Variants in PHLDB3 observed in about 807,000 individuals in gnomAD.
PHLDB3 encodes pleckstrin homology like domain family B member 3, also known as pleckstrin homology-like domain family B member 3.
PHLDB3 carries 86 observed loss-of-function variants against 85.7 expected under a neutral mutation model. The ratio of observed to expected loss-of-function variants is 1.00; its 90% CI spans 0.84 to 1.20. The LOEUF is 1.20. Among genes scored for constraint, PHLDB3 ranks in the 50% most tolerant of loss-of-function variants. The probability of loss-of-function intolerance (pLI) is 0.00; values close to 1 mark genes in which losing one functional copy is unlikely to be tolerated. For synonymous variants in PHLDB3, 376 were observed against 349.8 expected (o/e 1.07, Z -0.83); for missense variants, 995 against 873.0 (o/e 1.14, Z -1.76).
chr19:43,504,004 C>T lies in PHLDB3; in HGVS notation c.115G>A (p.Glu39Lys), dbSNP rs766062849. The T allele has an allele frequency of 1.2e-6, 2 of 1,613,926 alleles. No homozygotes were observed. The highest frequency in any genetic ancestry group is 1.1e-5 in the South Asian group (1 of 91,082). ...PEESREQEASEVLAEPSSRGG... is the reference protein window; with the variant it reads ...PEESREQEASKVLAEPSSRGG... ...CGGCTCGAAGGTTCCGCCAGGACTT[C>T]GGATGCCTCCTGTTCCCGGGACTCC... The change falls in exon 2 of 16, where the codon GAA becomes AAA. Residue 39 changes from glutamate to lysine, a missense_variant. Transcript: ENST00000292140.
chr19:43,494,994 C>A (rs2145931809), intron 8 of PHLDB3, among the ~76,000 whole-genome samples, 179 bp from the exon 9 acceptor site: 2 of 122,514 alleles, frequency 1.6e-5, no homozygotes, highest in East Asian at 4.8e-4. Context: ...GGCAGAGACT[C>A]CTGGCTCCCT....
At chr19:43,478,487 C>A (rs1038137164) in intron 14 of PHLDB3, among the ~76,000 whole-genome samples, 1 of 152,154 alleles carries the variant, frequency 6.6e-6, no homozygotes, top group Non-Finnish European at 1.5e-5. Flanking sequence ...CTCCATCTGA[C>A]AGATGTGGAA....
At chr19:43,491,925 G>A (rs986080775) in intron 9 of PHLDB3, among the ~76,000 whole-genome samples, 64 of 142,706 alleles carry the variant, frequency 4.5e-4, no homozygotes, top group Non-Finnish European at 7.8e-4. Flanking sequence ...GATTACCAGC[G>A]TGAGCCACTG....
intron 4 of PHLDB3, among the ~76,000 whole-genome samples, chr19:43,499,738 G>T (rs958167300): frequency 1.3e-5 from 2 of 152,004 alleles, no homozygotes; most frequent in Non-Finnish European, 1.5e-5. Context: ...TCAGATAAAA[G>T]ATTCTTTTTT....
rs754374612 is a variant in PHLDB3, at chr19:43,504,132, C to T, written c.-14G>A. Reference sequence around the variant, plus strand: ...TCGCGTCCCCATGGCCGCTGGGACTCCTGCGGGGTGGGCGGGACCAGAAGC... The same window carrying T: ...TCGCGTCCCCATGGCCGCTGGGACTTCTGCGGGGTGGGCGGGACCAGAAGC... On this transcript the variant is annotated splice_region_variant and 5_prime_UTR_variant, in exon 2 of 16. Transcript: ENST00000292140. 1 of 1,578,046 alleles carries T rather than the reference C, an allele frequency of 6.3e-7. No individual in the cohort carries two copies. Among genetic ancestry groups the T allele is most frequent in the African/African-American group, 1.4e-5 (1 of 74,070 alleles).
chr19:43,491,945 G>GTGTT, intron 9 of PHLDB3, among the ~76,000 whole-genome samples: 3 of 129,578 alleles, frequency 2.3e-5, no homozygotes, highest in East Asian at 2.4e-4. Flanking sequence ...GCACCTGGCC[G>GTGTT]TTTTTTTTTT....
intron 1 of PHLDB3, 113 bp from the exon 2 acceptor site, chr19:43,504,245 G>A: frequency 3.1e-6 from 3 of 981,028 alleles, no homozygotes; most frequent in East Asian, 2.6e-5. Context: ...GGGCCTAAGA[G>A]TTCAAAGGAT....
chr19:43,497,755 A>AC lies in PHLDB3; in HGVS notation c.655dup (p.Val219GlyfsTer16), dbSNP rs760229242. ...AGAACCAGATGCCATTACCTCCTGC[A>AC]CACCCTGCAGAAGCCGCTCGCGTTG... On this transcript the variant is annotated frameshift_variant, in exon 5 of 16. Transcript: ENST00000292140. LOFTEE classifies it high-confidence loss of function. 1.9e-6 allele frequency: 3 copies of AC among 1,551,822 alleles called. No individual in the cohort carries two copies. In the African/African-American group the frequency reaches 4.1e-5, roughly 21 times the overall value.
At chr19:43,488,984 G>C (rs373435785) in intron 9 of PHLDB3, among the ~76,000 whole-genome samples, 34 of 152,190 alleles carry the variant, frequency 2.2e-4, no homozygotes, top group African/African-American at 7.7e-4. Context: ...ATTTTTAGTA[G>C]AGATGGGGTT....
At chr19:43,490,446 G>A (rs1453444986) in intron 9 of PHLDB3, among the ~76,000 whole-genome samples, 2 of 151,986 alleles carry the variant, frequency 1.3e-5, no homozygotes, top group Admixed American at 1.3e-4. Flanking sequence ...CCAGCTACTT[G>A]GGGGGCTGAG....
At chr19:43,493,556 T>A (rs1292034125) in intron 9 of PHLDB3, among the ~76,000 whole-genome samples, 1 of 150,952 alleles carries the variant, frequency 6.6e-6, no homozygotes, top group Non-Finnish European at 1.5e-5. Context: ...CACCTGAGCC[T>A]GGGAGGTTGA....
At chr19:43,489,158 A>G (rs1971253883) in intron 9 of PHLDB3, among the ~76,000 whole-genome samples, 1 of 152,146 alleles carries the variant, frequency 6.6e-6, no homozygotes, top group African/African-American at 2.4e-5. Context: ...ACATCCAGGT[A>G]GAACATAATA....
chr19:43,502,454 TA>T (rs1971633049), intron 2 of PHLDB3, among the ~76,000 whole-genome samples, 171 bp from the exon 3 acceptor site: 1 of 116,936 alleles, frequency 8.6e-6, no homozygotes, highest in South Asian at 2.9e-4. Context: ...TTTTCTTTCT[TA>T]TCTTTTTTTT....
intron 5 of PHLDB3, 82 bp downstream of exon 5, chr19:43,497,666 C>T (rs955231100): frequency 9.0e-5 from 128 of 1,426,524 alleles, no homozygotes; most frequent in Non-Finnish European, 1.1e-4. Context: ...GAGCCGAGAT[C>T]GCACCACTGC....
Position 43,477,640 on chromosome 19 carries a change from C to T in PHLDB3, c.1788+407G>A, listed in dbSNP as rs1398883380. Among the ~76,000 whole-genome samples the T allele has an allele frequency of 2.6e-5, 4 of 151,080 alleles. No individual in the cohort carries two copies. The East Asian group carries it at 5.8e-4, about 22-fold the overall frequency. ...GACCAACCTGGCCAACACAGTGAAACCCCGTCTCTACTAAAAATACAAAAA... is the reference window on the plus strand; with the variant it reads ...GACCAACCTGGCCAACACAGTGAAATCCCGTCTCTACTAAAAATACAAAAA... On this transcript the variant is annotated intron_variant, in intron 15 of 15. Transcript: ENST00000292140.
intron 9 of PHLDB3, among the ~76,000 whole-genome samples, chr19:43,488,603 T>C (rs1971239713): frequency 6.6e-6 from 1 of 152,068 alleles, no homozygotes; most frequent in Non-Finnish European, 1.5e-5. Flanking sequence ...AAAATCTGAA[T>C]GACAAATGCA....
At chr19:43,476,366 C>T (rs1251546368) in intron 15 of PHLDB3, among the ~76,000 whole-genome samples, 1 of 152,046 alleles carries the variant, frequency 6.6e-6, no homozygotes, top group African/African-American at 2.4e-5. Flanking sequence ...TCAGGCCGGC[C>T]GGGCTGGGTG....
rs753664131 is a variant in PHLDB3 at position 43,486,850 on chromosome 19, G to T, written c.1270C>A (p.Leu424Ile). ...HCTESLEASA[L>I]PPAVGDSGRY... ...CCGGAGTCCCCCACTGCTGGCGGGA[G>T]AGCTGAGGCCTCCAGGGATTCTAGG... Residue 424 changes from leucine (L) to isoleucine (I), a missense_variant, in exon 11 of 16, where the codon CTC becomes ATC. Transcript: ENST00000292140. The T allele has an allele frequency of 5.7e-6, 9 of 1,569,964 alleles. No homozygotes were observed. The Admixed American group carries it at 1.4e-4, about 25-fold the overall frequency.
Position 43,475,314 on chromosome 19 carries a change from T to G in PHLDB3, c.*96A>C. 2 of 1,492,664 alleles carry G rather than the reference T, an allele frequency of 1.3e-6. No homozygotes were observed. The highest frequency in any genetic ancestry group is 1.8e-6 in the Non-Finnish European group (2 of 1,105,432). 92.5% of individuals were successfully genotyped at this position (1,492,664 alleles called of 1,614,324 possible). On this transcript the variant is annotated 3_prime_UTR_variant, in exon 16 of 16. Coordinates refer to ENST00000292140, the MANE Select transcript of PHLDB3 (RefSeq NM_198850.4). ...CCCGGGAGAGTTCCAAAGCGGTGCG[T>G]CCAAGTTTTCCGGCAGTGGGCGGGG... is the stretch of plus-strand genomic sequence containing the variant.
Sources: allele counts gnomAD v4.1 joint callset (sites outside exome capture counted in the v4.1 genomes callset), GRCh38; gene constraint gnomAD v4.1.1; transcripts MANE v1.5; gene names NCBI Gene and HGNC (gene_info 2026-07-23, HGNC 2026-07-21).